CSMD2: variants seen among roughly 807,000 people sequenced by gnomAD.
CSMD2 encodes the protein CUB and Sushi multiple domains 2.
CSMD2 carries 130 observed loss-of-function variants against 398.5 expected under a neutral mutation model. The observed-to-expected ratio is 0.33, with a 90% CI of 0.28 to 0.38. The LOEUF (loss-of-function observed/expected upper bound fraction) is 0.38, where lower values mean the gene tolerates loss of function less well. CSMD2 is among the 10% of genes least tolerant of loss of function. CSMD2 has a pLI of 1.00. For synonymous variants in CSMD2, 1,828 were observed against 1,908.5 expected, an observed-to-expected ratio of 0.96 and a Z score of 1.10; for missense variants, 3,829 against 4,764.9, an observed-to-expected ratio of 0.80 and a Z score of 5.78.
intron 6 of CSMD2, among the ~76,000 whole-genome samples, chr1:33,830,795 C>T (rs1470652840): frequency 1.3e-5 from 2 of 152,114 alleles, no homozygotes; most frequent in Non-Finnish European, 2.9e-5. Context: ...ACTAGAATAA[C>T]CAATACAGAG....
At chr1:33,994,428 G>A (rs1432554430) in intron 3 of CSMD2, among the ~76,000 whole-genome samples, 2 of 152,000 alleles carry the variant, frequency 1.3e-5, no homozygotes, top group African/African-American at 2.4e-5. Context: ...CCAATCCCAC[G>A]CTCACAGCAC....
In CSMD2 at chr1:33,883,305, G is replaced by A. The variant is rs565045333; in HGVS notation, c.920+34789C>T. On this transcript the variant is annotated intron_variant, in intron 5 of 70. Coordinates refer to ENST00000373381, the MANE Select transcript of CSMD2 (RefSeq NM_001281956.2). ...ATTTTGAATCTGCCAGCAACCAGCT[G>A]TGTGTAGTTGGGCAAGTTGCTAAAT... Among the ~76,000 whole-genome samples, 101 of 152,322 alleles carry A rather than the reference G, an allele frequency of 6.6e-4. 1 individual carries two copies. The highest frequency in any genetic ancestry group is 2.7e-3 in the South Asian group (13 of 4,828).
At chr1:33,913,488 G>T (rs2125270910) in intron 5 of CSMD2, among the ~76,000 whole-genome samples, 1 of 152,292 alleles carries the variant, frequency 6.6e-6, no homozygotes, top group Non-Finnish European at 1.5e-5. Flanking sequence ...TCCTCTCAAA[G>T]CCTCATTCCA....
intron 3 of CSMD2, among the ~76,000 whole-genome samples, chr1:33,995,606 C>A (rs1646701229): frequency 6.6e-6 from 1 of 152,178 alleles, no homozygotes; most frequent in Non-Finnish European, 1.5e-5. Context: ...CTGCTCAGCT[C>A]TCAGGAGACA....
intron 2 of CSMD2, among the ~76,000 whole-genome samples, chr1:34,048,503 C>T (rs928724356): frequency 1.3e-5 from 2 of 152,168 alleles, no homozygotes; most frequent in South Asian, 2.1e-4. Flanking sequence ...TGCCCACCTA[C>T]CCCCTCGGAC....
chr1:33,549,128 A>G (rs1434463658), intron 56 of CSMD2, among the ~76,000 whole-genome samples: 1 of 152,230 alleles, frequency 6.6e-6, no homozygotes, highest in Admixed American at 6.5e-5. Flanking sequence ...ATATTCTGGC[A>G]GTGACCTAAC....
chr1:34,057,415 C>T (rs1653959355), intron 2 of CSMD2, among the ~76,000 whole-genome samples: 1 of 152,180 alleles, frequency 6.6e-6, no homozygotes, highest in African/African-American at 2.4e-5. Context: ...TATGCTGTTT[C>T]CTGCAGCTTT....
Position 33,772,731 on chromosome 1 carries a change from C to T in CSMD2, c.1684G>A (p.Gly562Ser), listed in dbSNP as rs770311527. The stretch of plus-strand genomic sequence containing the variant: ...CCATATGCAGGTATGCCAGGGTCAC[C>T]GCAACTGCCCTGCTCGATCTCTGAA... Reference protein sequence around the residue: ...SYEEIEQGSCGDPGIPAYGRR... With the variant: ...SYEEIEQGSCSDPGIPAYGRR... Residue 562 changes from glycine to serine, a missense_variant, in exon 13 of 71, where the codon GGT (glycine) becomes AGT (serine). Transcript: ENST00000373381. The T allele has an allele frequency of 1.5e-5, 24 of 1,612,894 alleles. No homozygotes were observed. The highest frequency in any genetic ancestry group is 4.0e-5 in the African/African-American group (3 of 74,886).
chr1:34,107,840 C>G (rs891227851), intron 1 of CSMD2, among the ~76,000 whole-genome samples: 1 of 152,094 alleles, frequency 6.6e-6, no homozygotes, highest in Non-Finnish European at 1.5e-5. Context: ...AGAAAGGGGA[C>G]CACATGGGGA....
At chr1:33,622,051 A>G (rs1475073018) in intron 37 of CSMD2, 116 bp downstream of exon 37, 26 of 771,348 alleles carry the variant, frequency 3.4e-5, no homozygotes, top group Non-Finnish European at 5.2e-5. Context: ...GGTTTGTGGG[A>G]AGGCTTAAGT....
intron 65 of CSMD2, among the ~76,000 whole-genome samples, chr1:33,525,875 G>A (rs773793187): frequency 1.3e-5 from 2 of 152,070 alleles, no homozygotes; most frequent in Non-Finnish European, 2.9e-5. Flanking sequence ...GTAGAGATGA[G>A]GTTTCACCAT....
intron 48 of CSMD2, among the ~76,000 whole-genome samples, chr1:33,578,947 G>A (rs2148719166): frequency 6.6e-6 from 1 of 152,294 alleles, no homozygotes; most frequent in East Asian, 1.9e-4. Context: ...TATCCACATG[G>A]TTACCTCCCT....
intron 15 of CSMD2, among the ~76,000 whole-genome samples, chr1:33,738,010 C>T (rs752627391): frequency 1.7e-4 from 26 of 151,810 alleles, no homozygotes; most frequent in Non-Finnish European, 3.2e-4. Context: ...ACTCAAATGC[C>T]CACCTGGACT....
At chr1:33,890,791 G>C (rs1641956711) in intron 5 of CSMD2, among the ~76,000 whole-genome samples, 1 of 151,896 alleles carries the variant, frequency 6.6e-6, no homozygotes, top group African/African-American at 2.4e-5. Flanking sequence ...AACAAGCAAT[G>C]GGGAAAGGAT....
intron 54 of CSMD2, among the ~76,000 whole-genome samples, chr1:33,558,544 A>C (rs1658254087): frequency 6.6e-6 from 1 of 152,200 alleles, no homozygotes; most frequent in Non-Finnish European, 1.5e-5. Context: ...CAAATCCATT[A>C]TCTTACCTGA....
chr1:34,138,433 G>A (rs1638964195), intron 1 of CSMD2, among the ~76,000 whole-genome samples: 1 of 152,196 alleles, frequency 6.6e-6, no homozygotes, highest in Admixed American at 6.5e-5. Flanking sequence ...ACCTCCCTGA[G>A]CCTCTGTTTT....
intron 24 of CSMD2, among the ~76,000 whole-genome samples, 191 bp from the exon 25 acceptor site, chr1:33,693,247 C>G (rs1468745461): frequency 6.6e-6 from 1 of 152,116 alleles, no homozygotes; most frequent in Non-Finnish European, 1.5e-5. Flanking sequence ...CCCTACAAAT[C>G]AACAATAAAA....
At position 33,519,552 on chromosome 1, in the gene CSMD2, T is replaced by C. The variant is rs752793462; in HGVS notation, c.10862A>G (p.Glu3621Gly). ...TGTGCACACTGTGCTGACTGTGAAC[T>C]CCGCCTCGCTGGCCATGATGTCTGT... ...QPTDIMASEA[E>G]FTVSTVCTAV Residue 3621 changes from glutamate (E) to glycine (G), a missense_variant, in exon 70 of 71, where the codon GAG becomes GGG. Glu to Gly is a moderately conservative substitution (Grantham distance 98, BLOSUM62 -2). Transcript: ENST00000373381. The surrounding 1 kb of genome is among the most constrained non-coding windows in gnomAD (Gnocchi z 5.6). 9.9e-6 allele frequency: 16 copies of C among 1,613,772 alleles called. No individual in the cohort carries two copies. The highest frequency in any genetic ancestry group is 1.4e-5 in the Non-Finnish European group (16 of 1,179,962).
chr1:33,936,222 C>T (rs531408679), intron 3 of CSMD2, among the ~76,000 whole-genome samples: 14 of 152,302 alleles, frequency 9.2e-5, no homozygotes, highest in African/African-American at 2.9e-4. Context: ...TTTTCTAATG[C>T]GCAGCCATGG....
Sources: gnomAD v4.1 joint callset for allele counts (sites outside exome capture counted in the v4.1 genomes callset) on GRCh38, gnomAD v4.1.1 for gene constraint, Gnocchi (gnomAD v3.1) non-coding constraint, MANE v1.5 for transcripts, NCBI Gene and HGNC (gene_info 2026-07-23, HGNC 2026-07-21) for gene names.